ATPAF2: variants seen among roughly 807,000 people sequenced by gnomAD.
ATPAF2 encodes the protein ATP12 homolog.
A neutral mutation model predicts 36.6 loss-of-function variants in ATPAF2; 30 were observed. That is an observed-to-expected ratio of 0.82 (90% CI 0.61 to 1.11). ATPAF2 has a LOEUF of 1.11. Among genes scored for constraint, ATPAF2 ranks in the 50% most tolerant of loss-of-function variants. The pLI, the probability that ATPAF2 is intolerant of heterozygous loss-of-function variation, is 0.00. For synonymous variants in ATPAF2, 140 were observed against 152.6 expected (o/e 0.92, Z 0.61); for missense variants, 321 against 372.3 (o/e 0.86, Z 1.13).
At chr17:18,032,991 C>T (rs2044658112) in intron 1 of ATPAF2, among the ~76,000 whole-genome samples, 1 of 151,862 alleles carries the variant, frequency 6.6e-6, no homozygotes, top group Non-Finnish European at 1.5e-5. Context: ...CTAGAGAGGG[C>T]AATGGGGCCA....
In ATPAF2 at chr17:18,038,835, T is replaced by G. The variant is rs560189953; in HGVS notation, c.133+46A>C. The G allele has an allele frequency of 3.7e-6, 6 of 1,609,548 alleles. No individual in the cohort carries two copies. The East Asian group carries it at 1.1e-4, about 30-fold the overall frequency. On this transcript the variant is annotated intron_variant, in intron 1 of 7. Transcript: ENST00000474627. ...GCACAGCCGAAGCCCGAAGCCCACC[T>G]TACCCCAGCTCGGCCCCAACCCAAA...
At chr17:18,016,516 A>G (rs1344393491), downstream of ATPAF2, 2 of 1,375,458 alleles carry the variant, frequency 1.5e-6, no homozygotes, top group Non-Finnish European at 2.1e-6. Flanking sequence ...ATATTAACCA[A>G]TGATCTGATG....
At chr17:18,024,485 G>A (rs995557441) in intron 5 of ATPAF2, 139 bp downstream of exon 5, 4 of 751,440 alleles carry the variant, frequency 5.3e-6, no homozygotes, top group African/African-American at 1.7e-5. Flanking sequence ...CATATGAGGG[G>A]AGCCAAATCC....
At chr17:18,019,414 A>T (rs1350012747) in intron 7 of ATPAF2, among the ~76,000 whole-genome samples, 1 of 152,238 alleles carries the variant, frequency 6.6e-6, no homozygotes, top group Non-Finnish European at 1.5e-5. Context: ...CAGCCTCTCC[A>T]AGTTGCCTTG....
chr17:18,030,669 CTT>C (rs545874481), intron 1 of ATPAF2, among the ~76,000 whole-genome samples: 12 of 136,002 alleles, frequency 8.8e-5, no homozygotes, highest in Admixed American at 1.5e-4. Flanking sequence ...TTTTCTTTTT[CTT>C]TTTTTTTTTT....
rs972532691 is a variant in ATPAF2 at position 18,020,678 on chromosome 17, C to T, written c.732+445G>A. ...TATTTTTTTATTGTTATTATCTTAC[C>T]TTTTTTTTTTTTTTTTTTGAGACAG... On this transcript the variant is annotated intron_variant, in intron 7 of 7. Transcript: ENST00000474627. 265 of 146,322 alleles carry T rather than the reference C, an allele frequency of 1.8e-3. 2 individuals carry two copies. The East Asian group carries it at 0.022, about 12-fold the overall frequency. 9.1% of individuals were successfully genotyped at this position (146,322 alleles called of 1,614,324 possible). A position where few individuals can be genotyped will look rare whatever the true frequency, so the allele number is the denominator to read the frequency against.
Position 18,018,573 on chromosome 17 carries a change from G to T in ATPAF2, c.846C>A (p.Val282=). The change falls in exon 8 of 8, where the codon GTC becomes GTA. Residue 282 remains valine (V), a synonymous_variant. Transcript: ENST00000474627. ...FIHLCSESTT[V]KHKLLKE is the part of the protein sequence containing the mutation. ...CTCACTCCTTCAGGAGCTTGTGCTT[G>T]ACTGTGGTGCTCTCGGAGCAGAGAT... The T allele has an allele frequency of 6.2e-7, 1 of 1,613,896 alleles. No individual in the cohort carries two copies. The highest frequency in any genetic ancestry group is 1.1e-5 in the South Asian group (1 of 91,072).
intron 5 of ATPAF2, 41 bp from the exon 6 acceptor site, chr17:18,021,898 A>C: frequency 6.4e-7 from 1 of 1,562,786 alleles, no homozygotes; most frequent in East Asian, 2.2e-5. Context: ...GTCATGCTGT[A>C]GCCCAAGAGC....
At chr17:18,019,362 A>T (rs1373552319) in intron 7 of ATPAF2, among the ~76,000 whole-genome samples, 1 of 152,232 alleles carries the variant, frequency 6.6e-6, no homozygotes, top group African/African-American at 2.4e-5. Context: ...CTTATGTGCC[A>T]TCCCTTCTCC....
At chr17:18,024,193 T>C (rs2044510133) in intron 5 of ATPAF2, among the ~76,000 whole-genome samples, 1 of 152,220 alleles carries the variant, frequency 6.6e-6, no homozygotes, top group Admixed American at 6.5e-5. Context: ...CCTCAAACCC[T>C]GAGAGGTAGG....
chr17:18,031,266 C>T (rs1271495468), intron 1 of ATPAF2, among the ~76,000 whole-genome samples: 3 of 151,848 alleles, frequency 2.0e-5, no homozygotes, highest in South Asian at 2.1e-4. Flanking sequence ...TGAGCCACTG[C>T]GCCCAGCCTA....
intron 1 of ATPAF2, among the ~76,000 whole-genome samples, chr17:18,031,593 A>G (rs1451478075): frequency 6.6e-6 from 1 of 151,968 alleles, no homozygotes; most frequent in Non-Finnish European, 1.5e-5. Flanking sequence ...ATCCTGGCTA[A>G]CACAGTGAAA....
chr17:18,027,368 A>T (rs1467577899), intron 3 of ATPAF2, among the ~76,000 whole-genome samples: 1 of 151,946 alleles, frequency 6.6e-6, no homozygotes, highest in East Asian at 1.9e-4. Flanking sequence ...TGATGTTGGG[A>T]GGAGGCCCAC....
At chr17:18,032,500 C>T (rs951827946) in intron 1 of ATPAF2, among the ~76,000 whole-genome samples, 16 of 152,300 alleles carry the variant, frequency 1.1e-4, no homozygotes, top group Middle Eastern at 6.8e-3. Flanking sequence ...GCCCAGGGGC[C>T]GCCAGGCCTC....
downstream of ATPAF2, chr17:18,016,693 T>G (rs1402573819): frequency 6.6e-7 from 1 of 1,525,046 alleles, no homozygotes; most frequent in South Asian, 1.1e-5. Context: ...CCACAGGAGC[T>G]TCTTCAAAAC....
chr17:18,022,836 C>T (rs898803506), intron 5 of ATPAF2, among the ~76,000 whole-genome samples: 2 of 152,014 alleles, frequency 1.3e-5, no homozygotes, highest in Non-Finnish European at 2.9e-5. Flanking sequence ...TTAAAAAAAT[C>T]CGGCTGGGGC....
At chr17:18,037,884 C>T (rs542012439) in intron 1 of ATPAF2, among the ~76,000 whole-genome samples, 1 of 152,302 alleles carries the variant, frequency 6.6e-6, no homozygotes, top group Admixed American at 6.5e-5. Flanking sequence ...CACCTTTTTG[C>T]TGAACTCCTA....
rs749579388 is a variant in ATPAF2, at chr17:18,021,772, C to T, written c.589G>A (p.Ala197Thr). The change falls in exon 6 of 8, where the codon GCA (alanine) becomes ACA (threonine). Residue 197 changes from alanine to threonine, a missense_variant. Physicochemically the swap from Ala to Thr is moderately conservative, Grantham distance 58. Around this residue, in one of 3 missense-constraint regions of ATPAF2, gnomAD observed 199 missense variants for 220.6 expected, o/e 0.90. Transcript: ENST00000474627. ...KTREVLVSHL[A>T]SYNTWALQGI... ...TGTAAAGCCCATGTGTTGTAAGATG[C>T]CAGGTGGCTGACGAGCACCTCCCGA... 3.7e-6 allele frequency: 6 copies of T among 1,613,950 alleles called. No individual in the cohort carries two copies. In the African/African-American group the frequency reaches 6.7e-5, roughly 18 times the overall value.
At chr17:18,022,480 T>G (rs1480928133) in intron 5 of ATPAF2, among the ~76,000 whole-genome samples, 2 of 152,072 alleles carry the variant, frequency 1.3e-5, no homozygotes, top group Non-Finnish European at 2.9e-5. Flanking sequence ...TTCACCATGT[T>G]GCTCGAGCTG....
Sources: gnomAD v4.1 joint callset for allele counts (sites outside exome capture counted in the v4.1 genomes callset) on GRCh38, gnomAD v4.1.1 for gene constraint, gnomAD v4.1.1 regional missense constraint, MANE v1.5 for transcripts, NCBI Gene and HGNC (gene_info 2026-07-23, HGNC 2026-07-21) for gene names.